Variants in PCDH15 observed in about 807,000 individuals in gnomAD.
PCDH15 encodes the protein protocadherin related 15.
In PCDH15, 129 loss-of-function variants were observed where a neutral mutation model predicts 178.5. That is an observed-to-expected ratio of 0.72 (90% CI 0.63 to 0.84). PCDH15 has a LOEUF of 0.84. PCDH15 is among the 40% of genes least tolerant of loss of function. The probability of loss-of-function intolerance (pLI) is 0.00; values close to 1 mark genes in which losing one functional copy is unlikely to be tolerated. For missense variants in PCDH15, 2,230 were observed against 2,099.9 expected, an observed-to-expected ratio of 1.06 and a Z score of -1.21; for synonymous variants, 800 against 732.0, an observed-to-expected ratio of 1.09 and a Z score of -1.50.
intron 37 of PCDH15, chr10:53,809,231 T>C (rs781146881): frequency 1.2e-6 from 2 of 1,613,838 alleles, no homozygotes; most frequent in East Asian, 2.2e-5. Flanking sequence ...CTGTATTCAG[T>C]ATAGTCGCTG....
intron 2 of PCDH15, among the ~76,000 whole-genome samples, chr10:54,943,938 T>A (rs1300657870): frequency 6.6e-6 from 1 of 151,856 alleles, no homozygotes; most frequent in African/African-American, 2.4e-5. Flanking sequence ...AAAGGGAGTT[T>A]CTATCCCACA....
In PCDH15 at chr10:53,804,655, G is replaced by A. The variant is rs1275405885; in HGVS notation, c.*1924C>T. ...GGGATGCTGACTGAGATGATCTGGGGGTATCAAGATAATATTAAATTATAT... is the reference window on the plus strand; with the variant it reads ...GGGATGCTGACTGAGATGATCTGGGAGTATCAAGATAATATTAAATTATAT... On this transcript the variant is annotated 3_prime_UTR_variant, in exon 38 of 38. Transcript: ENST00000644397. 2.0e-5 allele frequency: 3 copies of A among 151,852 alleles called. No homozygotes were observed. Among genetic ancestry groups the A allele is most frequent in the Non-Finnish European group, 2.9e-5 (2 of 67,898 alleles). The allele number at this position is 151,852 out of a possible 1,614,324, so 9.4% of individuals were successfully genotyped here. A position where few individuals can be genotyped will look rare whatever the true frequency, so the allele number is the denominator to read the frequency against.
At chr10:54,002,871 G>T (rs2092227827) in intron 20 of PCDH15, among the ~76,000 whole-genome samples, 1 of 152,126 alleles carries the variant, frequency 6.6e-6, no homozygotes, top group Non-Finnish European at 1.5e-5. Context: ...AGGGATATAA[G>T]TCCTAGCCAC....
chr10:54,746,871 C>G (rs1221773153), intron 1 of PCDH15, among the ~76,000 whole-genome samples: 1 of 152,150 alleles, frequency 6.6e-6, no homozygotes, highest in Non-Finnish European at 1.5e-5. Flanking sequence ...CTCTCCCATT[C>G]GAGTCGCACA....
rs748019624 is a variant in PCDH15, at chr10:53,827,408, A to G, written c.4352T>C (p.Leu1451Pro). The change falls in exon 32 of 38, where the codon CTT becomes CCT. Residue 1451 changes from leucine to proline, a missense_variant. Transcript: ENST00000644397. ...PPPGAHLYEE[L>P]GDSSIWSFCW... ...GTCTACTTACATTGAGCTGTCTCCA[A>G]GTTCTTCATAGAGATGCGCACCTGG... 2 of 1,612,672 alleles carry G rather than the reference A, an allele frequency of 1.2e-6. No homozygotes were observed. The highest frequency in any genetic ancestry group is 2.2e-5 in the South Asian group (2 of 90,962).
intron 1 of PCDH15, among the ~76,000 whole-genome samples, chr10:54,725,671 C>T (rs72794569): frequency 0.12 from 18,272 of 148,158 alleles, 1,232 homozygotes; most frequent in African/African-American, 0.17. Flanking sequence ...TCACTCTAAG[C>T]AACTCATTTA....
At chr10:54,331,367 G>A (rs1939525456) in intron 6 of PCDH15, among the ~76,000 whole-genome samples, 1 of 151,752 alleles carries the variant, frequency 6.6e-6, no homozygotes, top group South Asian at 2.1e-4. Context: ...GATTCATTCT[G>A]TGCTCCTCAT....
intron 3 of PCDH15, among the ~76,000 whole-genome samples, chr10:54,495,596 T>C (rs561971622): frequency 3.9e-5 from 6 of 152,288 alleles, no homozygotes; most frequent in Non-Finnish European, 5.9e-5. Flanking sequence ...GGTCCTTCCA[T>C]AGAGATAATA....
At chr10:54,268,700 A>G (rs1373434509) in intron 8 of PCDH15, among the ~76,000 whole-genome samples, 4 of 151,918 alleles carry the variant, frequency 2.6e-5, no homozygotes, top group Admixed American at 1.3e-4. Context: ...CTTATCAATA[A>G]TAATGTTCTA....
intron 2 of PCDH15, among the ~76,000 whole-genome samples, chr10:55,518,859 C>T (rs1437127400): frequency 6.6e-6 from 1 of 151,726 alleles, no homozygotes; most frequent in African/African-American, 2.4e-5. Flanking sequence ...CTTAGGGAGG[C>T]CAAGGCAGGC....
chr10:55,153,372 G>T (rs186410603), intron 2 of PCDH15, among the ~76,000 whole-genome samples: 1 of 152,224 alleles, frequency 6.6e-6, no homozygotes, highest in African/African-American at 2.4e-5. Context: ...GCATCAGCCT[G>T]GAGGACAGGC....
intron 3 of PCDH15, among the ~76,000 whole-genome samples, chr10:54,893,511 T>A (rs1954498893): frequency 6.6e-6 from 1 of 152,038 alleles, no homozygotes; most frequent in South Asian, 2.1e-4. Context: ...ATAAAGTAAA[T>A]TGTCCTTGAG....
intron 30 of PCDH15, among the ~76,000 whole-genome samples, chr10:53,830,049 A>T (rs2076927742): frequency 6.6e-6 from 1 of 152,162 alleles, no homozygotes; most frequent in African/African-American, 2.4e-5. Flanking sequence ...CACACCTGTA[A>T]TCCCAGCACT....
intron 1 of PCDH15, among the ~76,000 whole-genome samples, chr10:55,185,377 T>TA (rs1253943412): frequency 1.3e-5 from 2 of 151,764 alleles, no homozygotes; most frequent in Non-Finnish European, 2.9e-5. Flanking sequence ...TTCTATAAAC[T>TA]AGGCCTCTTA....
chr10:54,745,178 A>C (rs1303747978), intron 1 of PCDH15, among the ~76,000 whole-genome samples: 2 of 152,178 alleles, frequency 1.3e-5, no homozygotes, highest in Non-Finnish European at 2.9e-5. Context: ...TGGTTGTGGC[A>C]GATAATAAAA....
At chr10:53,946,827 G>T (rs1447859327) in intron 23 of PCDH15, among the ~76,000 whole-genome samples, 1 of 152,112 alleles carries the variant, frequency 6.6e-6, no homozygotes, top group East Asian at 1.9e-4. Context: ...GCCCAGACTG[G>T]AGTGCAGTGG....
intron 26 of PCDH15, among the ~76,000 whole-genome samples, chr10:53,896,065 T>C (rs1291502000): frequency 6.6e-6 from 1 of 152,216 alleles, no homozygotes; most frequent in African/African-American, 2.4e-5. Context: ...ACTGCATAAA[T>C]CAATGTTTAA....
intron 2 of PCDH15, among the ~76,000 whole-genome samples, chr10:55,451,693 G>T (rs915804920): frequency 2.0e-5 from 3 of 152,060 alleles, no homozygotes; most frequent in Non-Finnish European, 4.4e-5. Context: ...TACACAGCTT[G>T]GTTCAGGATG....
At chr10:54,885,625 T>C (rs540134463) in intron 3 of PCDH15, among the ~76,000 whole-genome samples, 2 of 152,186 alleles carry the variant, frequency 1.3e-5, no homozygotes, top group Admixed American at 6.5e-5. Flanking sequence ...GAAAATAACA[T>C]AATTTTAAGA....
Sources: gnomAD v4.1 joint callset for allele counts (sites outside exome capture counted in the v4.1 genomes callset) on GRCh38, gnomAD v4.1.1 for gene constraint, MANE v1.5 for transcripts, NCBI Gene and HGNC (gene_info 2026-07-23, HGNC 2026-07-21) for gene names.